Variants in PIGL observed in about 807,000 individuals in gnomAD.
PIGL encodes phosphatidylinositol glycan anchor biosynthesis class L.
A neutral mutation model predicts 31.1 loss-of-function variants in PIGL; 22 were observed. The observed-to-expected ratio is 0.71, with a 90% CI of 0.51 to 1.01. The LOEUF (loss-of-function observed/expected upper bound fraction) is 1.01, where lower values mean the gene tolerates loss of function less well. Ranked by LOEUF, PIGL falls within the 50% of genes least tolerant of loss-of-function variation. The probability of loss-of-function intolerance (pLI) is 0.00; values close to 1 mark genes in which losing one functional copy is unlikely to be tolerated. For synonymous variants in PIGL, 131 were observed against 117.4 expected (o/e 1.12, Z -0.75); for missense variants, 302 against 315.9 (o/e 0.96, Z 0.33).
intron 2 of PIGL, among the ~76,000 whole-genome samples, chr17:16,282,411 GT>G (rs1272093196): frequency 2.0e-5 from 3 of 150,310 alleles, no homozygotes; most frequent in East Asian, 2.0e-4. Context: ...TAATTGGTCT[GT>G]TTTTTTTTCA....
rs565026066 is a variant in PIGL, at chr17:16,268,597, T to C, written c.336-31291T>C. Among the ~76,000 whole-genome samples, 4 of 152,102 alleles carry C rather than the reference T, an allele frequency of 2.6e-5. No homozygotes were observed. The South Asian group carries it at 8.3e-4, about 32-fold the overall frequency. ...CTGAGTAGCTGGGATTACAGGCGCC[T>C]GCCACCATGCCTGACTAGTTTTTTG... On this transcript the variant is annotated intron_variant, in intron 2 of 6. Coordinates refer to ENST00000225609, the MANE Select transcript of PIGL (RefSeq NM_004278.4).
At position 16,217,389 on chromosome 17, in the gene PIGL, A is replaced by T. The variant is rs751560960; in HGVS notation, c.163A>T (p.Met55Leu). ...CATAGCGCACCCTGACGATGAAGCC[A>T]TGTTTTTTGCTCCCACAGTGCTAGG... The part of the protein sequence containing the change: ...LVIAHPDDEA[M>L]FFAPTVLGLA... Residue 55 changes from methionine to leucine, a missense_variant, in exon 1 of 7, where the codon ATG becomes TTG. Coordinates refer to ENST00000225609, the MANE Select transcript of PIGL (RefSeq NM_004278.4). 6.2e-7 allele frequency: 1 copy of T among 1,614,154 alleles called. No individual in the cohort carries two copies.
chr17:16,323,956 T>C (rs1173546448), intron 6 of PIGL, among the ~76,000 whole-genome samples: 1 of 151,272 alleles, frequency 6.6e-6, no homozygotes, highest in Non-Finnish European at 1.5e-5. Context: ...TTCTCTTATT[T>C]ATTTATTTAT....
chr17:16,247,466 G>A (rs1241397363), intron 2 of PIGL, among the ~76,000 whole-genome samples: 2 of 152,208 alleles, frequency 1.3e-5, no homozygotes. Context: ...GAGAGGCATA[G>A]GATAGATATT....
chr17:16,294,157 G>A (rs2092971907), intron 2 of PIGL, among the ~76,000 whole-genome samples: 1 of 152,156 alleles, frequency 6.6e-6, no homozygotes, highest in South Asian at 2.1e-4. Flanking sequence ...AGACTTAAGA[G>A]TTGGAAGGAC....
At chr17:16,221,190 T>C (rs186637327) in intron 1 of PIGL, among the ~76,000 whole-genome samples, 97 of 152,320 alleles carry the variant, frequency 6.4e-4, no homozygotes, top group African/African-American at 2.2e-3. Context: ...GTCCCAAATT[T>C]TTATGAACCT....
chr17:16,242,848 C>G lies in PIGL; in HGVS notation c.335+8778C>G, dbSNP rs185418247. 9.9e-5 allele frequency among the ~76,000 whole-genome samples: 15 copies of G among 151,792 alleles called. No individual in the cohort carries two copies. In the East Asian group the frequency reaches 2.9e-3, roughly 29 times the overall value. On this transcript the variant is annotated intron_variant, in intron 2 of 6. Coordinates refer to ENST00000225609, the MANE Select transcript of PIGL (RefSeq NM_004278.4). ...GGTCAGGCTGGTCTTGAACTCCTGA[C>G]CACAAATGGTCCACTTCCCAAAGTG... is the stretch of plus-strand genomic sequence containing the variant.
At chr17:16,217,829 A>G (rs2092600072) in intron 1 of PIGL, 1 of 187,456 alleles carries the variant, frequency 5.3e-6, no homozygotes, top group Admixed American at 5.8e-5. Flanking sequence ...GAAACAATCT[A>G]TGCTGTATCG....
At chr17:16,219,936 G>T (rs1191700681) in intron 1 of PIGL, among the ~76,000 whole-genome samples, 2 of 152,010 alleles carry the variant, frequency 1.3e-5, no homozygotes, top group Non-Finnish European at 2.9e-5. Context: ...TTGTTACAAG[G>T]TCTTCAAAAG....
intron 1 of PIGL, among the ~76,000 whole-genome samples, chr17:16,228,050 CTTTTT>C (rs113533456): frequency 7.8e-6 from 1 of 127,846 alleles, no homozygotes; most frequent in Non-Finnish European, 1.7e-5. Flanking sequence ...CCATTTTAAA[CTTTTT>C]TTTTTTTTTT....
chr17:16,219,063 A>G (rs1446039160), intron 1 of PIGL, among the ~76,000 whole-genome samples: 1 of 115,956 alleles, frequency 8.6e-6, no homozygotes, highest in South Asian at 2.6e-4. Context: ...CATTTTTTAT[A>G]AATTTTTTTT....
intron 3 of PIGL, among the ~76,000 whole-genome samples, chr17:16,302,094 A>G (rs892233739): frequency 2.6e-5 from 4 of 152,152 alleles, no homozygotes; most frequent in African/African-American, 9.7e-5. Context: ...AGGCCAAAAC[A>G]GGCACCTAAT....
intron 6 of PIGL, among the ~76,000 whole-genome samples, chr17:16,319,223 CAAAAA>C (rs11379081): frequency 0.098 from 8,126 of 82,930 alleles, 406 homozygotes; most frequent in African/African-American, 0.22. Flanking sequence ...AGACCCTAGC[CAAAAA>C]AAAAAAAAAA....
intron 1 of PIGL, among the ~76,000 whole-genome samples, chr17:16,226,013 A>G (rs958818800): frequency 6.6e-6 from 1 of 151,960 alleles, no homozygotes; most frequent in Non-Finnish European, 1.5e-5. Flanking sequence ...GAAAAAAAAA[A>G]AAAAAAAGTT....
chr17:16,228,557 T>A (rs538142192), intron 1 of PIGL, among the ~76,000 whole-genome samples: 1 of 151,980 alleles, frequency 6.6e-6, no homozygotes, highest in African/African-American at 2.4e-5. Flanking sequence ...CCCGGCTAAT[T>A]TTTTGTATTT....
At chr17:16,218,625 T>C (rs2092610318) in intron 1 of PIGL, among the ~76,000 whole-genome samples, 1 of 152,124 alleles carries the variant, frequency 6.6e-6, no homozygotes, top group Non-Finnish European at 1.5e-5. Context: ...ATTGGCTGTT[T>C]TTAGGCTTTG....
chr17:16,244,931 G>A (rs999760868), intron 2 of PIGL, among the ~76,000 whole-genome samples: 4 of 152,138 alleles, frequency 2.6e-5, no homozygotes, highest in Non-Finnish European at 5.9e-5. Flanking sequence ...ACCCACCTCA[G>A]CCTTCCAAAG....
At chr17:16,314,156 G>T (rs1158380558) in intron 4 of PIGL, among the ~76,000 whole-genome samples, 1 of 152,146 alleles carries the variant, frequency 6.6e-6, no homozygotes, top group Non-Finnish European at 1.5e-5. Context: ...CCAATAAAAA[G>T]AAAATGCAAG....
chr17:16,230,959 G>A (rs561339445), intron 1 of PIGL, among the ~76,000 whole-genome samples: 1 of 151,382 alleles, frequency 6.6e-6, no homozygotes, highest in Non-Finnish European at 1.5e-5. Context: ...GGACCATGAT[G>A]CCTTCATGCC....
Sources: gnomAD v4.1 joint callset for allele counts (sites outside exome capture counted in the v4.1 genomes callset) on GRCh38, gnomAD v4.1.1 for gene constraint, MANE v1.5 for transcripts, NCBI Gene and HGNC (gene_info 2026-07-23, HGNC 2026-07-21) for gene names.